The following HDAC4 variants were observed in gnomAD, a reference collection of about 807,000 sequenced individuals.
HDAC4 encodes histone deacetylase 4, also known as histone deacetylase A.
HDAC4 carries 16 observed loss-of-function variants against 135.1 expected under a neutral mutation model. That is an observed-to-expected ratio of 0.12 (90% confidence interval 0.08 to 0.18). The LOEUF is 0.18. Ranked by LOEUF, HDAC4 falls within the 10% of genes least tolerant of loss-of-function variation. The pLI, the probability that HDAC4 is intolerant of heterozygous loss-of-function variation, is 1.00. For missense variants in HDAC4, 1,143 were observed against 1,511.8 expected (o/e 0.76, Z 4.05); for synonymous variants, 685 against 653.4 (o/e 1.05, Z -0.74).
chr2:239,379,145 C>A, intron 1 of HDAC4, among the ~76,000 whole-genome samples: 1 of 152,154 alleles, frequency 6.6e-6, no homozygotes, highest in East Asian at 1.9e-4. Flanking sequence ...TCCAGGAAGG[C>A]AGGAGCTGGG....
chr2:239,222,323 T>C (rs1205712560), intron 3 of HDAC4, among the ~76,000 whole-genome samples: 1 of 152,242 alleles, frequency 6.6e-6, no homozygotes, highest in African/African-American at 2.4e-5. Context: ...ATTTCAGAAC[T>C]ATCCTTAAAG....
chr2:239,082,813 C>T (rs2152689951), intron 20 of HDAC4, among the ~76,000 whole-genome samples: 1 of 152,380 alleles, frequency 6.6e-6, no homozygotes, highest in South Asian at 2.1e-4. Flanking sequence ...AGGTCAGATG[C>T]AGCAGAGAGC....
chr2:239,229,292 T>C (rs1314127390), intron 3 of HDAC4, among the ~76,000 whole-genome samples: 9 of 152,196 alleles, frequency 5.9e-5, no homozygotes, highest in Admixed American at 3.9e-4. Flanking sequence ...TAACGCTATA[T>C]TGCAGTCAGC....
intron 15 of HDAC4, among the ~76,000 whole-genome samples, chr2:239,103,398 C>G (rs1435329459): frequency 6.6e-6 from 1 of 152,242 alleles, no homozygotes; most frequent in Admixed American, 6.5e-5. Flanking sequence ...CCGGCTGCGT[C>G]TCTCTGAGGT....
chr2:239,067,318 C>CA (rs2033637608), intron 23 of HDAC4, among the ~76,000 whole-genome samples: 1 of 152,144 alleles, frequency 6.6e-6, no homozygotes, highest in South Asian at 2.1e-4. Context: ...TCAAGAGCCA[C>CA]AGTCCCGCCA....
chr2:239,297,596 C>G (rs1163837439), intron 2 of HDAC4, among the ~76,000 whole-genome samples: 1 of 152,208 alleles, frequency 6.6e-6, no homozygotes, highest in Non-Finnish European at 1.5e-5. Flanking sequence ...AACGCCTGTG[C>G]ATCACCTGTG....
In HDAC4 at chr2:239,360,942, G is replaced by A. The variant is rs757956592; in HGVS notation, c.-219-8024C>T. Among the ~76,000 whole-genome samples, 6 of 152,166 alleles carry A rather than the reference G, an allele frequency of 3.9e-5. No homozygotes were observed. In the South Asian group the frequency reaches 8.3e-4, roughly 21 times the overall value. On this transcript the variant is annotated intron_variant, in intron 1 of 26. Transcript: ENST00000543185. The stretch of plus-strand genomic sequence containing the variant: ...ATGTAAGTTCTCCAGACGGCTTAGA[G>A]GCTGCAGGTAAGGACAGGAAAGGCA...
At chr2:239,267,871 T>C (rs1267815418) in intron 2 of HDAC4, among the ~76,000 whole-genome samples, 1 of 152,270 alleles carries the variant, frequency 6.6e-6, no homozygotes, top group Non-Finnish European at 1.5e-5. Context: ...AGCTTCTGAG[T>C]TCTTACATGG....
intron 3 of HDAC4, among the ~76,000 whole-genome samples, chr2:239,216,154 C>T (rs2046620488): frequency 6.6e-6 from 1 of 151,848 alleles, no homozygotes. Flanking sequence ...TCACTGTGAG[C>T]ACTTTCCACA....
chr2:239,119,928 CGTGG>C (rs2039487860), intron 12 of HDAC4, among the ~76,000 whole-genome samples: 8 of 151,036 alleles, frequency 5.3e-5, no homozygotes, highest in Non-Finnish European at 8.9e-5. Flanking sequence ...GGGGACCACC[CGTGG>C]ACAGGAGAGT....
chr2:239,062,231 G>T (rs967887512), intron 24 of HDAC4, among the ~76,000 whole-genome samples: 1 of 152,274 alleles, frequency 6.6e-6, no homozygotes. Flanking sequence ...AGACAGAGGG[G>T]TCGCTCTGAT....
At chr2:239,375,779 C>G (rs1432522837) in intron 1 of HDAC4, among the ~76,000 whole-genome samples, 1 of 152,182 alleles carries the variant, frequency 6.6e-6, no homozygotes, top group East Asian at 1.9e-4. Flanking sequence ...CTCCATGGCC[C>G]CCCAGGGGGC....
intron 15 of HDAC4, among the ~76,000 whole-genome samples, chr2:239,104,806 C>T (rs568117276): frequency 2.0e-5 from 3 of 152,246 alleles, no homozygotes; most frequent in Admixed American, 6.5e-5. Flanking sequence ...AGAGATCTGA[C>T]GTTAGACCAC....
At chr2:239,076,331 C>T (rs537938629) in intron 22 of HDAC4, among the ~76,000 whole-genome samples, 4 of 152,214 alleles carry the variant, frequency 2.6e-5, no homozygotes, top group East Asian at 1.9e-4. Context: ...CTGTGCTCTG[C>T]GCAAGGGGCT....
At chr2:239,265,663 C>T (rs1189268059) in intron 2 of HDAC4, among the ~76,000 whole-genome samples, 1 of 152,212 alleles carries the variant, frequency 6.6e-6, no homozygotes, top group Non-Finnish European at 1.5e-5. Flanking sequence ...GGCCACAGCG[C>T]CGGCACCAAC....
At chr2:239,121,079 C>T (rs1233242027) in intron 12 of HDAC4, among the ~76,000 whole-genome samples, 5 of 151,684 alleles carry the variant, frequency 3.3e-5, no homozygotes, top group Admixed American at 6.6e-5. Context: ...GTCCTCCCAC[C>T]TCAGCCTCCT....
chr2:239,300,607 A>G (rs1233193306), intron 2 of HDAC4, among the ~76,000 whole-genome samples: 1 of 152,124 alleles, frequency 6.6e-6, no homozygotes, highest in Non-Finnish European at 1.5e-5. Context: ...TCCCAACTGA[A>G]CTTGACTCTG....
chr2:239,318,635 T>C (rs755890450), intron 2 of HDAC4, among the ~76,000 whole-genome samples: 6 of 151,812 alleles, frequency 4.0e-5, no homozygotes, highest in Non-Finnish European at 5.9e-5. Context: ...ATGGCCTGGA[T>C]TATTAGTTGG....
chr2:239,187,700 G>A (rs1383455535), intron 4 of HDAC4, among the ~76,000 whole-genome samples: 1 of 152,308 alleles, frequency 6.6e-6, no homozygotes, highest in East Asian at 1.9e-4. Context: ...TGTCCCACCT[G>A]CCAGGAGTGT....
Sources: gnomAD v4.1 joint callset for allele counts (sites outside exome capture counted in the v4.1 genomes callset) on GRCh38, gnomAD v4.1.1 for gene constraint, MANE v1.5 for transcripts, NCBI Gene and HGNC (gene_info 2026-07-23, HGNC 2026-07-21) for gene names.